The following IPO11 variants were observed in gnomAD, a reference collection of about 807,000 sequenced individuals.
The protein encoded by IPO11 is importin 11.
A neutral mutation model predicts 143.2 loss-of-function variants in IPO11; 66 were observed. The ratio of observed to expected loss-of-function variants is 0.46; its 90% CI spans 0.38 to 0.57. The LOEUF (loss-of-function observed/expected upper bound fraction) is 0.57, where lower values mean the gene tolerates loss of function less well. Among genes scored for constraint, IPO11 ranks in the 20% least tolerant of loss-of-function variants. The pLI is 0.00. For synonymous variants in IPO11, 385 were observed against 377.8 expected (o/e 1.02, Z -0.22); for missense variants, 1,026 against 1,141.0 (o/e 0.90, Z 1.45).
intron 1 of IPO11, among the ~76,000 whole-genome samples, chr5:62,421,392 A>G (rs1250220807): frequency 6.6e-6 from 1 of 152,230 alleles, no homozygotes; most frequent in Admixed American, 6.5e-5. Context: ...TTAGGCAGAT[A>G]GGCTGTGAAC....
chr5:62,416,600 T>TAGGGCTTC (rs1743301612), intron 1 of IPO11, among the ~76,000 whole-genome samples: 1 of 152,220 alleles, frequency 6.6e-6, no homozygotes, highest in African/African-American at 2.4e-5. Flanking sequence ...GTTCGGGGGT[T>TAGGGCTTC]AGGGCTTCAA....
At chr5:62,447,131 G>A (rs1030985785) in intron 3 of IPO11, among the ~76,000 whole-genome samples, 6 of 151,734 alleles carry the variant, frequency 4.0e-5, no homozygotes, top group Non-Finnish European at 5.9e-5. Flanking sequence ...AAGAAGACAG[G>A]GTTTTGTTCT....
chr5:62,521,255 C>A (rs995303460), intron 20 of IPO11, among the ~76,000 whole-genome samples: 15 of 152,060 alleles, frequency 9.9e-5, no homozygotes, highest in African/African-American at 3.6e-4. Flanking sequence ...TAGCATTTTG[C>A]AAAAATACAT....
chr5:62,424,066 T>G (rs1323786880), intron 1 of IPO11, among the ~76,000 whole-genome samples: 1 of 152,008 alleles, frequency 6.6e-6, no homozygotes, highest in East Asian at 1.9e-4. Context: ...TTGCCCAGAC[T>G]GGAGTGCAGT....
intron 19 of IPO11, among the ~76,000 whole-genome samples, chr5:62,509,420 G>A (rs1393035360): frequency 6.6e-6 from 1 of 152,094 alleles, no homozygotes; most frequent in Non-Finnish European, 1.5e-5. Flanking sequence ...ATGAATTTAA[G>A]TGGAGCTTTC....
intron 5 of IPO11, among the ~76,000 whole-genome samples, chr5:62,461,426 C>G (rs771774597): frequency 6.6e-6 from 1 of 152,056 alleles, no homozygotes. Flanking sequence ...AATTGGGTGA[C>G]GCAAAGAACA....
At chr5:62,486,994 A>T (rs1034738454) in intron 12 of IPO11, among the ~76,000 whole-genome samples, 2 of 152,098 alleles carry the variant, frequency 1.3e-5, no homozygotes, top group Non-Finnish European at 2.9e-5. Context: ...ATTGTGAACG[A>T]TCTAGTGATT....
chr5:62,560,452 A>G (rs1337469434), intron 26 of IPO11, among the ~76,000 whole-genome samples: 3 of 152,178 alleles, frequency 2.0e-5, no homozygotes, highest in African/African-American at 7.2e-5. Flanking sequence ...CACTCACATT[A>G]TCTAGGGCAT....
intron 29 of IPO11, among the ~76,000 whole-genome samples, chr5:62,616,528 T>C (rs1746143453): frequency 1.3e-5 from 2 of 151,966 alleles, no homozygotes; most frequent in Non-Finnish European, 2.9e-5. Context: ...GAGACCAGCC[T>C]GGCCACCATG....
chr5:62,444,695 C>G (rs1035166549), intron 3 of IPO11, among the ~76,000 whole-genome samples: 1 of 151,876 alleles, frequency 6.6e-6, no homozygotes, highest in Non-Finnish European at 1.5e-5. Flanking sequence ...ATGGCGAAAC[C>G]CCACCTCTTC....
chr5:62,610,082 C>T (rs1353466467), intron 29 of IPO11, among the ~76,000 whole-genome samples: 1 of 152,160 alleles, frequency 6.6e-6, no homozygotes, highest in Non-Finnish European at 1.5e-5. Context: ...CACCGGCTGC[C>T]TCTGGCCCAC....
intron 1 of IPO11, among the ~76,000 whole-genome samples, chr5:62,435,092 G>GCATATATGTA (rs1428111211): frequency 3.4e-5 from 2 of 58,266 alleles, no homozygotes; most frequent in African/African-American, 1.2e-4. Context: ...GTGTATATAT[G>GCATATATGTA]TATATATGTA....
At chr5:62,540,356 T>C (rs1201924964) in intron 24 of IPO11, among the ~76,000 whole-genome samples, 4 of 152,222 alleles carry the variant, frequency 2.6e-5, no homozygotes, top group Non-Finnish European at 5.9e-5. Context: ...CCATGTTAAA[T>C]TGTAATATAT....
At chr5:62,425,929 C>T (rs139341458) in intron 1 of IPO11, among the ~76,000 whole-genome samples, 1 of 152,296 alleles carries the variant, frequency 6.6e-6, no homozygotes, top group Non-Finnish European at 1.5e-5. Context: ...ATAGTAAGAA[C>T]ATTAAGTACC....
chr5:62,444,034 C>G (rs1005572690), intron 3 of IPO11, among the ~76,000 whole-genome samples: 2 of 151,704 alleles, frequency 1.3e-5, no homozygotes, highest in African/African-American at 4.8e-5. Flanking sequence ...TTGGAAACAA[C>G]AAGAATATTT....
At chr5:62,571,531 C>A (rs1744130258) in intron 27 of IPO11, among the ~76,000 whole-genome samples, 1 of 152,142 alleles carries the variant, frequency 6.6e-6, no homozygotes, top group Non-Finnish European at 1.5e-5. Flanking sequence ...AGGTACATCT[C>A]TTTCTTTTGA....
At chr5:62,601,925 C>A in intron 29 of IPO11, 77 bp downstream of exon 29, 1 of 835,074 alleles carries the variant, frequency 1.2e-6, no homozygotes, top group South Asian at 2.1e-5. Context: ...TATCTATGGT[C>A]TATTTGTCCA....
intron 9 of IPO11, among the ~76,000 whole-genome samples, chr5:62,480,200 T>G (rs1484109145): frequency 6.6e-6 from 1 of 152,248 alleles, no homozygotes; most frequent in East Asian, 1.9e-4. Context: ...ATAGGAATCC[T>G]TTCGCCATTT....
Position 62,621,746 on chromosome 5 carries a change from C to G in IPO11, c.2764-5408C>G, listed in dbSNP as rs576903499. 3.3e-5 allele frequency among the ~76,000 whole-genome samples: 5 copies of G among 152,236 alleles called. No homozygotes were observed. In the East Asian group the frequency reaches 9.6e-4, roughly 29 times the overall value. On this transcript the variant is annotated intron_variant, in intron 29 of 29. Transcript: ENST00000325324. The stretch of plus-strand genomic sequence containing the variant: ...GCAATAACTAGTTAGGAAAAGCAGG[C>G]TAAATGAACGTCTTTTACAAATTTG...
Sources: allele counts gnomAD v4.1 joint callset (sites outside exome capture counted in the v4.1 genomes callset), GRCh38; gene constraint gnomAD v4.1.1; transcripts MANE v1.5; gene names NCBI Gene and HGNC (gene_info 2026-07-23, HGNC 2026-07-21).